MS4A13: variants seen among roughly 807,000 people sequenced by gnomAD.
The protein encoded by MS4A13 is membrane spanning 4-domains A13.
MS4A13 carries 21 observed loss-of-function variants against 18.4 expected under a neutral mutation model. That is an observed-to-expected ratio of 1.14 (90% CI 0.81 to 1.64). The LOEUF (loss-of-function observed/expected upper bound fraction) is 1.64. Ranked by LOEUF, MS4A13 falls within the 40% of genes most tolerant of loss-of-function variation. MS4A13 has a pLI of 0.00. For missense variants in MS4A13, 173 were observed against 176.8 expected, an observed-to-expected ratio of 0.98 and a Z score of 0.12; for synonymous variants, 62 against 57.2, an observed-to-expected ratio of 1.08 and a Z score of -0.38.
At chr11:60,538,026 G>A (rs1280578821) in intron 6 of MS4A13, among the ~76,000 whole-genome samples, 1 of 119,398 alleles carries the variant, frequency 8.4e-6, no homozygotes, top group Non-Finnish European at 1.7e-5. Context: ...GGGGACTGTG[G>A]TGGGGTCGGG....
intron 6 of MS4A13, among the ~76,000 whole-genome samples, chr11:60,542,285 G>GAGAA (rs971967109): frequency 6.9e-6 from 1 of 145,252 alleles, no homozygotes; most frequent in Non-Finnish European, 1.5e-5. Context: ...AAGAAAGAAA[G>GAGAA]AGAAAGAAAG....
intron 6 of MS4A13, among the ~76,000 whole-genome samples, chr11:60,540,319 G>T (rs1338050683): frequency 6.6e-6 from 1 of 152,136 alleles, no homozygotes; most frequent in Non-Finnish European, 1.5e-5. Context: ...ATGTATCATA[G>T]CTTGCCAACC....
At chr11:60,539,528 TG>T (rs960413846) in intron 6 of MS4A13, among the ~76,000 whole-genome samples, 1 of 152,046 alleles carries the variant, frequency 6.6e-6, no homozygotes, top group South Asian at 2.1e-4. Context: ...CCCATAAAAA[TG>T]GGGAGTACCA....
At chr11:60,527,848 A>C (rs1288187544) in intron 5 of MS4A13, among the ~76,000 whole-genome samples, 1 of 152,116 alleles carries the variant, frequency 6.6e-6, no homozygotes, top group Non-Finnish European at 1.5e-5. Flanking sequence ...AATAAATTAA[A>C]TTAAAAAATT....
At chr11:60,538,359 G>A (rs964376166) in intron 6 of MS4A13, among the ~76,000 whole-genome samples, 3 of 151,114 alleles carry the variant, frequency 2.0e-5, no homozygotes, top group East Asian at 3.9e-4. Context: ...CGTAGACTGG[G>A]GACTATAATA....
intron 6 of MS4A13, among the ~76,000 whole-genome samples, 168 bp downstream of exon 6, chr11:60,529,628 T>A (rs1037615078): frequency 6.6e-6 from 1 of 151,968 alleles, no homozygotes; most frequent in Non-Finnish European, 1.5e-5. Context: ...AGCATAAAAT[T>A]ATAACAGTAA....
chr11:60,520,125 A>G (rs1054806264), intron 3 of MS4A13, among the ~76,000 whole-genome samples: 2 of 152,044 alleles, frequency 1.3e-5, no homozygotes, highest in African/African-American at 4.8e-5. Flanking sequence ...ATTCCCAAGT[A>G]TTGTGGGAGG....
chr11:60,535,060 A>C (rs1160542110), intron 6 of MS4A13, among the ~76,000 whole-genome samples: 1 of 6,070 alleles, frequency 1.6e-4, no homozygotes, highest in Non-Finnish European at 3.3e-4. Flanking sequence ...AAATGCCTAC[A>C]AGAGAAAGCA....
intron 6 of MS4A13, among the ~76,000 whole-genome samples, chr11:60,541,240 T>A (rs917906834): frequency 3.9e-5 from 6 of 152,214 alleles, no homozygotes; most frequent in Non-Finnish European, 4.4e-5. Flanking sequence ...AAAATGTGCA[T>A]ACCCTATGAT....
intron 3 of MS4A13, among the ~76,000 whole-genome samples, chr11:60,519,003 C>T (rs2086656362): frequency 6.6e-6 from 1 of 152,100 alleles, no homozygotes. Flanking sequence ...GCATCATATC[C>T]TTTGTTGAGA....
At chr11:60,526,779 A>G (rs1482597899) in intron 5 of MS4A13, among the ~76,000 whole-genome samples, 13 of 152,238 alleles carry the variant, frequency 8.5e-5, no homozygotes, top group Admixed American at 8.5e-4. Flanking sequence ...GCAGGGTCAG[A>G]AAAGTGCATG....
chr11:60,525,865 C>T (rs142251690), intron 5 of MS4A13, among the ~76,000 whole-genome samples: 61 of 150,858 alleles, frequency 4.0e-4, no homozygotes, highest in African/African-American at 1.3e-3. Context: ...TTACTGATAA[C>T]ACAATAGTTT....
intron 5 of MS4A13, among the ~76,000 whole-genome samples, chr11:60,528,835 C>T (rs2086739382): frequency 6.6e-6 from 1 of 152,190 alleles, no homozygotes; most frequent in Non-Finnish European, 1.5e-5. Flanking sequence ...TCACCTTATG[C>T]TTCCAAGTTA....
chr11:60,527,408 C>CTGTGTG (rs1275890708), intron 5 of MS4A13, among the ~76,000 whole-genome samples: 14 of 35,550 alleles, frequency 3.9e-4, no homozygotes, highest in African/African-American at 8.0e-4. Flanking sequence ...CTCTCTCTCT[C>CTGTGTG]TCTGTGTGTG....
At chr11:60,528,182 G>A (rs2086734725) in intron 5 of MS4A13, among the ~76,000 whole-genome samples, 1 of 152,132 alleles carries the variant, frequency 6.6e-6, no homozygotes, top group Non-Finnish European at 1.5e-5. Flanking sequence ...TCTACTGGTT[G>A]TATTTTATGT....
At chr11:60,539,886 A>G (rs2086842633) in intron 6 of MS4A13, among the ~76,000 whole-genome samples, 1 of 152,194 alleles carries the variant, frequency 6.6e-6, no homozygotes, top group Non-Finnish European at 1.5e-5. Context: ...AAGGTGAAAT[A>G]CAGACATACA....
chr11:60,519,620 T>C (rs1283371096), intron 3 of MS4A13, among the ~76,000 whole-genome samples: 1 of 152,158 alleles, frequency 6.6e-6, no homozygotes, highest in African/African-American at 2.4e-5. Flanking sequence ...GAACAGGATA[T>C]GAATATGGGT....
At chr11:60,523,395 G>T (rs564969243) in intron 3 of MS4A13, among the ~76,000 whole-genome samples, 1 of 152,088 alleles carries the variant, frequency 6.6e-6, no homozygotes, top group African/African-American at 2.4e-5. Flanking sequence ...AAAGGCAAAG[G>T]CATGAATTTC....
chr11:60,531,191 C>G (rs1347930777), intron 6 of MS4A13, among the ~76,000 whole-genome samples: 1 of 152,010 alleles, frequency 6.6e-6, no homozygotes, highest in Non-Finnish European at 1.5e-5. Flanking sequence ...GTTCCAAGAC[C>G]AAAAGCGTTA....
Sources: allele counts gnomAD v4.1 joint callset (sites outside exome capture counted in the v4.1 genomes callset), GRCh38; gene constraint gnomAD v4.1.1; transcripts MANE v1.5; gene names NCBI Gene and HGNC (gene_info 2026-07-23, HGNC 2026-07-21).